Variants in EBPL observed in about 807,000 individuals in gnomAD.
The protein encoded by EBPL is EBP like, also known as emopamil-binding protein-like.
EBPL carries 20 observed loss-of-function variants against 19.0 expected under a neutral mutation model. That is an observed-to-expected ratio of 1.05 (90% confidence interval 0.74 to 1.53). The LOEUF is 1.53. EBPL is among the 40% of genes most tolerant of loss of function. The pLI is 0.00. For synonymous variants in EBPL, 107 were observed against 117.0 expected (o/e 0.91, Z 0.55); for missense variants, 219 against 261.1 (o/e 0.84, Z 1.11).
chr13:49,667,694 T>A lies in EBPL; in HGVS notation c.241+2083A>T, dbSNP rs1229521743. ...GAAATACGGTCTTACTGTGTTGCCCTGGCTAAATTCAAACTCCTGGGCTCA... is the reference window on the plus strand; with the variant it reads ...GAAATACGGTCTTACTGTGTTGCCCAGGCTAAATTCAAACTCCTGGGCTCA... On this transcript the variant is annotated intron_variant, in intron 2 of 3. Coordinates refer to ENST00000242827, the MANE Select transcript of EBPL (RefSeq NM_032565.5). Among the ~76,000 whole-genome samples, 3 of 152,232 alleles carry A rather than the reference T, an allele frequency of 2.0e-5. No homozygotes were observed. The East Asian group carries it at 5.8e-4, about 29-fold the overall frequency.
intron 1 of EBPL, among the ~76,000 whole-genome samples, 163 bp from the exon 2 acceptor site, chr13:49,670,009 G>A (rs938736294): frequency 2.0e-5 from 3 of 152,068 alleles, no homozygotes; most frequent in African/African-American, 7.2e-5. Flanking sequence ...ATACAATCTT[G>A]GGACCTGGTT....
chr13:49,661,269 C>A, intron 3 of EBPL, 61 bp from the exon 4 acceptor site: 1 of 1,347,972 alleles, frequency 7.4e-7, no homozygotes, highest in South Asian at 1.3e-5. Context: ...GCATCAGAGT[C>A]ATGACATCTT....
chr13:49,686,190 A>G (rs542296880), intron 1 of EBPL, among the ~76,000 whole-genome samples: 1 of 152,296 alleles, frequency 6.6e-6, no homozygotes, highest in East Asian at 1.9e-4. Context: ...GGCCAAGCAC[A>G]CATCAGACAG....
chr13:49,681,221 T>G (rs1303907642), intron 1 of EBPL, among the ~76,000 whole-genome samples: 5 of 152,214 alleles, frequency 3.3e-5, no homozygotes, highest in Non-Finnish European at 7.3e-5. Flanking sequence ...AAAATCAGCT[T>G]AAAAATTAAA....
chr13:49,678,827 A>G (rs1279748871), intron 1 of EBPL, among the ~76,000 whole-genome samples: 9 of 151,684 alleles, frequency 5.9e-5, no homozygotes, highest in Admixed American at 5.9e-4. Flanking sequence ...GCACGTTGTC[A>G]CCTCTCAATA....
At position 49,669,771 on chromosome 13, in the gene EBPL, A is replaced by G. The variant is rs773051979; in HGVS notation, c.241+6T>C. On this transcript the variant is annotated splice_donor_region_variant and intron_variant, in intron 2 of 3. Transcript: ENST00000242827. ...ATTTCAAACGCAAACGTTTTTAATT[A>G]CTTACATAAAGAAGCAATCAAGCCA... 12 of 1,613,336 alleles carry G rather than the reference A, an allele frequency of 7.4e-6. No individual in the cohort carries two copies. The highest frequency in any genetic ancestry group is 1.3e-5 in the African/African-American group (1 of 74,908).
intron 1 of EBPL, among the ~76,000 whole-genome samples, chr13:49,680,518 T>C (rs1277476143): frequency 6.6e-6 from 1 of 152,188 alleles, no homozygotes; most frequent in Admixed American, 6.5e-5. Flanking sequence ...ATGTTTGAAA[T>C]TGTTCACTGT....
In EBPL at chr13:49,661,177, C is replaced by T. The variant is rs754650479; in HGVS notation, c.412G>A (p.Glu138Lys). 9.3e-6 allele frequency: 15 copies of T among 1,614,008 alleles called. No individual in the cohort carries two copies. The highest frequency in any genetic ancestry group is 1.1e-5 in the Non-Finnish European group (13 of 1,180,018). Residue 138 changes from glutamate (E) to lysine (K), a missense_variant, in exon 4 of 4, where the codon GAG becomes AAG. By Grantham distance (56) the Glu-to-Lys change is moderately conservative. Around this residue, in one of 2 missense-constraint regions of EBPL, gnomAD observed 49 missense variants for 94.1 expected, o/e 0.52. Transcript: ENST00000242827. ...AAGGTCATCCAGCAGCCATACAGCTCGCACACGCACAGGGTGATCTGCAGG... is the reference window on the plus strand; with the variant it reads ...AAGGTCATCCAGCAGCCATACAGCTTGCACACGCACAGGGTGATCTGCAGG... ...HFLQITLCVC[E>K]LYGCWMTFLP...
intron 1 of EBPL, among the ~76,000 whole-genome samples, chr13:49,679,138 G>T (rs1361600277): frequency 6.6e-6 from 1 of 152,156 alleles, no homozygotes; most frequent in Non-Finnish European, 1.5e-5. Context: ...GAATTGTAGA[G>T]AATGGAGACA....
chr13:49,675,125 C>T (rs1225852187), intron 1 of EBPL, among the ~76,000 whole-genome samples: 1 of 152,196 alleles, frequency 6.6e-6, no homozygotes, highest in African/African-American at 2.4e-5. Flanking sequence ...ACAGTTTTGT[C>T]ATTGTGTGGA....
chr13:49,661,838 G>A (rs1446183857), intron 3 of EBPL: 1 of 1,550,004 alleles, frequency 6.5e-7, no homozygotes, highest in Non-Finnish European at 8.7e-7. Flanking sequence ...TTACAAGATG[G>A]TGGAAAATGG....
At chr13:49,670,135 C>T (rs1299370222) in intron 1 of EBPL, among the ~76,000 whole-genome samples, 1 of 152,142 alleles carries the variant, frequency 6.6e-6, no homozygotes, top group Non-Finnish European at 1.5e-5. Flanking sequence ...GAAATTTTTG[C>T]ATAAGAGTTT....
At position 49,680,054 on chromosome 13, in the gene EBPL, G is replaced by A. The variant is rs75596859; in HGVS notation, c.172-10208C>T. Among the ~76,000 whole-genome samples, 507 of 152,218 alleles carry A rather than the reference G, an allele frequency of 3.3e-3. 1 individual carries two copies. The highest frequency in any genetic ancestry group is 0.012 in the African/African-American group (481 of 41,534). ...TGAGAGGATGGTGAGGACCCTAAGC[G>A]GAGGCCCAGGTAGTGTCTGTCAGCA... On this transcript the variant is annotated intron_variant, in intron 1 of 3. Coordinates refer to ENST00000242827, the MANE Select transcript of EBPL (RefSeq NM_032565.5).
At chr13:49,673,579 G>A (rs1474376648) in intron 1 of EBPL, among the ~76,000 whole-genome samples, 1 of 152,124 alleles carries the variant, frequency 6.6e-6, no homozygotes, top group African/African-American at 2.4e-5. Flanking sequence ...TGGGATTACA[G>A]GAATGCACCA....
At chr13:49,671,781 G>A (rs1283744391) in intron 1 of EBPL, among the ~76,000 whole-genome samples, 1 of 152,282 alleles carries the variant, frequency 6.6e-6, no homozygotes, top group South Asian at 2.1e-4. Context: ...CTCCACTGGC[G>A]ACCTCTTTCA....
intron 1 of EBPL, among the ~76,000 whole-genome samples, chr13:49,690,640 C>A (rs1454661887): frequency 2.0e-5 from 3 of 152,188 alleles, no homozygotes; most frequent in Admixed American, 2.0e-4. Flanking sequence ...GGGAGCCAGA[C>A]TAGACTGCCT....
At chr13:49,663,017 G>A (rs1316311718) in intron 3 of EBPL, 40 bp downstream of exon 3, 1 of 1,610,816 alleles carries the variant, frequency 6.2e-7, no homozygotes, top group Admixed American at 1.7e-5. Context: ...GACATGTAAT[G>A]TCTCCCCTCC....
At chr13:49,677,717 T>C (rs1327781226) in intron 1 of EBPL, among the ~76,000 whole-genome samples, 3 of 152,226 alleles carry the variant, frequency 2.0e-5, no homozygotes, top group Non-Finnish European at 4.4e-5. Context: ...AAGATCAGCC[T>C]GGCCAACAGT....
At chr13:49,691,117 A>G in intron 1 of EBPL, 137 bp downstream of exon 1, 3 of 823,754 alleles carry the variant, frequency 3.6e-6, no homozygotes, top group Non-Finnish European at 4.8e-6. Context: ...GGCGCCTCTC[A>G]GCTAACAGAC....
Sources: gnomAD v4.1 joint callset for allele counts (sites outside exome capture counted in the v4.1 genomes callset) on GRCh38, gnomAD v4.1.1 for gene constraint, gnomAD v4.1.1 regional missense constraint, MANE v1.5 for transcripts, NCBI Gene and HGNC (gene_info 2026-07-23, HGNC 2026-07-21) for gene names.